Variants in RFC1 observed in about 807,000 individuals in gnomAD.
RFC1 encodes the protein A1 140 kDa subunit.
In RFC1, 37 loss-of-function variants were observed where a neutral mutation model predicts 137.4. The observed-to-expected ratio is 0.27, with a 90% confidence interval of 0.21 to 0.35. RFC1 has a LOEUF of 0.35. Among genes scored for constraint, RFC1 ranks in the 10% least tolerant of loss-of-function variants. The probability of loss-of-function intolerance (pLI) is 1.00; values close to 1 mark genes in which losing one functional copy is unlikely to be tolerated. For missense variants in RFC1, 1,205 were observed against 1,358.5 expected, an observed-to-expected ratio of 0.89 and a Z score of 1.78; for synonymous variants, 429 against 455.7, an observed-to-expected ratio of 0.94 and a Z score of 0.75.
chr4:39,313,930 T>G (rs541893664), intron 10 of RFC1, among the ~76,000 whole-genome samples: 2 of 152,348 alleles, frequency 1.3e-5, no homozygotes, highest in East Asian at 3.9e-4. Context: ...ACATTAAATC[T>G]TAATTGGAAC....
chr4:39,339,231 T>G (rs1047632535), intron 4 of RFC1, among the ~76,000 whole-genome samples: 1 of 152,194 alleles, frequency 6.6e-6, no homozygotes, highest in African/African-American at 2.4e-5. Context: ...CTTTCTGAGG[T>G]GGTGATTTCA....
rs1051208019 is a variant in RFC1 at position 39,338,998 on chromosome 4, C to T, written c.331+3347G>A. 2.6e-5 allele frequency among the ~76,000 whole-genome samples: 4 copies of T among 152,138 alleles called. No homozygotes were observed. In the South Asian group the frequency reaches 8.3e-4, roughly 32 times the overall value. On this transcript the variant is annotated intron_variant, in intron 4 of 24. Coordinates refer to ENST00000349703, the MANE Select transcript of RFC1 (RefSeq NM_002913.5). ...AGTCCGCATTATAAGTGAGATCATG[C>T]AATATTCTTCTTTCTGTGCCTGACA...
At chr4:39,308,552 C>T (rs1738799287) in intron 13 of RFC1, 84 bp downstream of exon 13, 5 of 1,500,494 alleles carry the variant, frequency 3.3e-6, no homozygotes, top group East Asian at 2.3e-5. Context: ...ATGAATGAAT[C>T]GTTAGATTTT....
intron 1 of RFC1, among the ~76,000 whole-genome samples, chr4:39,360,005 A>T (rs1741671674): frequency 6.6e-6 from 1 of 152,040 alleles, no homozygotes; most frequent in African/African-American, 2.4e-5. Flanking sequence ...CTGTTCCCCA[A>T]AAACCCATGG....
Position 39,302,497 on chromosome 4 carries a change from T to C in RFC1, c.2436+3A>G, listed in dbSNP as rs746975960. The stretch of plus-strand genomic sequence containing the variant: ...ACTGTTACATGATATATATTTAATT[T>C]ACCTGTCTGATATCTTGATTGGCTC... On this transcript the variant is annotated splice_donor_region_variant and intron_variant, in intron 18 of 24. Coordinates refer to ENST00000349703, the MANE Select transcript of RFC1 (RefSeq NM_002913.5). 1 of 1,575,242 alleles carries C rather than the reference T, an allele frequency of 6.3e-7. No homozygotes were observed.
At chr4:39,305,335 T>C (rs1158926107) in intron 14 of RFC1, among the ~76,000 whole-genome samples, 1 of 152,138 alleles carries the variant, frequency 6.6e-6, no homozygotes, top group Non-Finnish European at 1.5e-5. Flanking sequence ...GCCAGGTGCG[T>C]TGACTCACAC....
intron 4 of RFC1, among the ~76,000 whole-genome samples, chr4:39,334,313 C>T (rs531727072): frequency 4.6e-5 from 7 of 152,150 alleles, no homozygotes; most frequent in East Asian, 3.9e-4. Context: ...ACTTGAAGAA[C>T]GAGCAGTCCT....
At chr4:39,299,610 C>CAAAAAAAAAAA (rs970461214) in intron 21 of RFC1, among the ~76,000 whole-genome samples, 2 of 40,456 alleles carry the variant, frequency 4.9e-5, no homozygotes, top group Non-Finnish European at 1.0e-4. Flanking sequence ...AACACTGTCT[C>CAAAAAAAAAAA]AAAAAAAAAA....
chr4:39,348,467 A>G (rs553972008), intron 2 of RFC1, among the ~76,000 whole-genome samples: 59 of 139,032 alleles, frequency 4.2e-4, no homozygotes, highest in African/African-American at 7.4e-4. Context: ...AAGAAAAGAA[A>G]AGAAAAGAAA....
intron 6 of RFC1, among the ~76,000 whole-genome samples, chr4:39,325,062 T>C (rs1739696394): frequency 6.6e-6 from 1 of 152,172 alleles, no homozygotes; most frequent in South Asian, 2.1e-4. Flanking sequence ...TTTCCTGACC[T>C]CTAACAGTGG....
chr4:39,348,080 C>T (rs1456482195), intron 2 of RFC1, among the ~76,000 whole-genome samples: 1 of 151,986 alleles, frequency 6.6e-6, no homozygotes, highest in Non-Finnish European at 1.5e-5. Context: ...CAAAAGGGAC[C>T]AGAACTTGAA....
At chr4:39,318,512 G>C (rs1001035090) in intron 9 of RFC1, among the ~76,000 whole-genome samples, 26 of 152,280 alleles carry the variant, frequency 1.7e-4, no homozygotes, top group Non-Finnish European at 2.8e-4. Context: ...ATTTGACCAA[G>C]ACCAACTAAA....
At chr4:39,335,411 C>T (rs1740299079) in intron 4 of RFC1, among the ~76,000 whole-genome samples, 1 of 152,112 alleles carries the variant, frequency 6.6e-6, no homozygotes, top group Non-Finnish European at 1.5e-5. Flanking sequence ...CCTAAGACTG[C>T]TCATCTTCAA....
At chr4:39,315,325 G>A (rs1739186029) in intron 10 of RFC1, among the ~76,000 whole-genome samples, 3 of 152,160 alleles carry the variant, frequency 2.0e-5, no homozygotes, top group South Asian at 2.1e-4. Context: ...GTGATCCCAC[G>A]CTTATCAAAC....
At chr4:39,311,314 A>C in intron 12 of RFC1, 131 bp downstream of exon 12, 1 of 669,910 alleles carries the variant, frequency 1.5e-6, no homozygotes, top group Non-Finnish European at 2.5e-6. Flanking sequence ...AAAAGGAACT[A>C]AGGTGGTCCA....
intron 11 of RFC1, 96 bp downstream of exon 11, chr4:39,312,654 CTT>C: frequency 9.4e-7 from 1 of 1,064,006 alleles, no homozygotes. Context: ...TTTTCTATTT[CTT>C]TCCTTCATTT....
intron 23 of RFC1, 78 bp downstream of exon 23, chr4:39,291,561 C>G (rs1057033878): frequency 6.8e-6 from 7 of 1,034,930 alleles, no homozygotes; most frequent in Non-Finnish European, 1.1e-5. Flanking sequence ...CTTAAAGCAT[C>G]TAAAACACCT....
At chr4:39,342,521 G>C in intron 3 of RFC1, 54 bp from the exon 4 acceptor site, 3 of 1,562,228 alleles carry the variant, frequency 1.9e-6, no homozygotes, top group Non-Finnish European at 2.6e-6. Context: ...TTATAATATA[G>C]TGCATGTTTA....
chr4:39,307,735 C>CA (rs5857671), intron 13 of RFC1, among the ~76,000 whole-genome samples: 62,713 of 148,234 alleles, frequency 0.42, 13,374 homozygotes, highest in Middle Eastern at 0.48. Flanking sequence ...CAAAACAAAA[C>CA]AAAAAAAAAA....
Sources: allele counts gnomAD v4.1 joint callset (sites outside exome capture counted in the v4.1 genomes callset), GRCh38; gene constraint gnomAD v4.1.1; transcripts MANE v1.5; gene names NCBI Gene and HGNC (gene_info 2026-07-23, HGNC 2026-07-21).